The following RGS5 variants were observed in gnomAD, a reference collection of about 807,000 sequenced individuals.
RGS5 encodes regulator of G-protein signalling 5.
RGS5 carries 20 observed loss-of-function variants against 18.9 expected under a neutral mutation model. The ratio of observed to expected loss-of-function variants is 1.06; its 90% CI spans 0.74 to 1.54. The LOEUF is 1.54. Ranked by LOEUF, RGS5 falls within the 40% of genes most tolerant of loss-of-function variation. The pLI is 0.00. For missense variants in RGS5, 201 were observed against 211.8 expected (o/e 0.95, Z 0.32); for synonymous variants, 57 against 76.2 (o/e 0.75, Z 1.31).
chr1:163,179,598 T>C (rs1034790217), intron 1 of RGS5, among the ~76,000 whole-genome samples: 1 of 152,206 alleles, frequency 6.6e-6, no homozygotes, highest in African/African-American at 2.4e-5. Context: ...TGCCCTTGAC[T>C]AAATCCTATT....
chr1:163,301,875 G>A (rs918902147), intron 2 of RGS5, among the ~76,000 whole-genome samples: 5 of 151,930 alleles, frequency 3.3e-5, no homozygotes, highest in African/African-American at 1.2e-4. Context: ...CTTTTCCCAG[G>A]GTTCCTGGTT....
chr1:163,309,672 T>C (rs1649801926), intron 1 of RGS5, among the ~76,000 whole-genome samples: 1 of 152,184 alleles, frequency 6.6e-6, no homozygotes, highest in Non-Finnish European at 1.5e-5. Flanking sequence ...TCATAAGGCC[T>C]GGAATTAACT....
intron 2 of RGS5, among the ~76,000 whole-genome samples, chr1:163,228,123 C>T (rs1038888380): frequency 6.6e-6 from 1 of 152,192 alleles, no homozygotes; most frequent in African/African-American, 2.4e-5. Context: ...GATGGTGGCC[C>T]TCTTCTCACA....
chr1:163,154,354 C>T (rs2661277), intron 3 of RGS5, among the ~76,000 whole-genome samples: 116,079 of 151,972 alleles, frequency 0.76, 44,574 homozygotes, highest in East Asian at 0.88. Flanking sequence ...ACCCTGAAAC[C>T]ATACCCAATT....
chr1:163,225,184 T>C (rs1363899826), intron 2 of RGS5, among the ~76,000 whole-genome samples: 4 of 152,182 alleles, frequency 2.6e-5, no homozygotes, highest in Non-Finnish European at 4.4e-5. Context: ...TTGAGTATAA[T>C]GAGCATCTAA....
intron 1 of RGS5, among the ~76,000 whole-genome samples, chr1:163,178,825 C>T (rs1658677756): frequency 6.6e-6 from 1 of 152,076 alleles, no homozygotes. Flanking sequence ...GGTGAAGTTT[C>T]CATTACAGAA....
chr1:163,239,334 A>C (rs894374664), intron 2 of RGS5: 1 of 144,120 alleles, frequency 6.9e-6, no homozygotes, highest in Admixed American at 6.8e-5. Flanking sequence ...AAAAAAAAAA[A>C]CATTAGCCAG....
chr1:163,278,260 G>C (rs919386313), intron 2 of RGS5, among the ~76,000 whole-genome samples: 1 of 152,026 alleles, frequency 6.6e-6, no homozygotes, highest in Non-Finnish European at 1.5e-5. Context: ...AACAGCAAGA[G>C]AAAAGCATTA....
intron 1 of RGS5, among the ~76,000 whole-genome samples, chr1:163,195,671 AT>A (rs915771760): frequency 4.4e-4 from 67 of 151,112 alleles, no homozygotes; most frequent in African/African-American, 1.4e-3. Context: ...ATTTATCTTT[AT>A]TTTTTTTTAA....
chr1:163,250,457 T>G (rs1488292870), intron 2 of RGS5, among the ~76,000 whole-genome samples: 3 of 152,240 alleles, frequency 2.0e-5, no homozygotes, highest in Non-Finnish European at 4.4e-5. Flanking sequence ...GCATTATAAT[T>G]GAGTCATTAC....
chr1:163,313,340 A>G (rs1460613711), intron 1 of RGS5, among the ~76,000 whole-genome samples: 1 of 152,216 alleles, frequency 6.6e-6, no homozygotes, highest in African/African-American at 2.4e-5. Context: ...TAGCCAATGA[A>G]CAGAACTAGA....
chr1:163,194,488 A>T (rs1170510632), intron 1 of RGS5, among the ~76,000 whole-genome samples: 1 of 152,148 alleles, frequency 6.6e-6, no homozygotes, highest in Non-Finnish European at 1.5e-5. Context: ...ATCACGTCCT[A>T]TTACAAATGT....
intron 2 of RGS5, among the ~76,000 whole-genome samples, chr1:163,226,629 T>C (rs1367487925): frequency 6.6e-6 from 1 of 152,156 alleles, no homozygotes; most frequent in African/African-American, 2.4e-5. Context: ...ACAAAGAATA[T>C]GCCAGAACTT....
chr1:163,228,379 C>T (rs909667899), intron 2 of RGS5, among the ~76,000 whole-genome samples: 2 of 152,246 alleles, frequency 1.3e-5, no homozygotes, highest in Non-Finnish European at 2.9e-5. Flanking sequence ...GGGGCTTTCG[C>T]CCTCTGAAGC....
At chr1:163,260,995 C>A (rs769188408) in intron 2 of RGS5, among the ~76,000 whole-genome samples, 2 of 152,174 alleles carry the variant, frequency 1.3e-5, no homozygotes, top group African/African-American at 2.4e-5. Context: ...ATTGGAAACT[C>A]AAGATACAAA....
At chr1:163,155,236 A>G (rs1356762993) in intron 3 of RGS5, among the ~76,000 whole-genome samples, 4 of 152,090 alleles carry the variant, frequency 2.6e-5, no homozygotes. Flanking sequence ...TAGGGACAAA[A>G]TCTCAGTCCT....
chr1:163,276,256 A>G (rs1020571628), intron 2 of RGS5, among the ~76,000 whole-genome samples: 2 of 152,168 alleles, frequency 1.3e-5, no homozygotes, highest in African/African-American at 2.4e-5. Flanking sequence ...GGCCTCCCAA[A>G]GTGCTGGGAT....
intron 2 of RGS5, among the ~76,000 whole-genome samples, chr1:163,164,223 G>C (rs1246176910): frequency 6.6e-6 from 1 of 152,138 alleles, no homozygotes; most frequent in Non-Finnish European, 1.5e-5. Flanking sequence ...CATTAGGTCT[G>C]ACTTCATTGG....
At chr1:163,152,983 T>C (rs1470317748) in intron 3 of RGS5, among the ~76,000 whole-genome samples, 1 of 152,094 alleles carries the variant, frequency 6.6e-6, no homozygotes, top group Non-Finnish European at 1.5e-5. Flanking sequence ...TTTACCACAT[T>C]GTCTTTCCAA....
Sources: allele counts gnomAD v4.1 joint callset (sites outside exome capture counted in the v4.1 genomes callset), GRCh38; gene constraint gnomAD v4.1.1; transcripts MANE v1.5; gene names NCBI Gene and HGNC (gene_info 2026-07-23, HGNC 2026-07-21).